TMEM132B: variants seen among roughly 807,000 people sequenced by gnomAD.
TMEM132B encodes transmembrane protein 132B.
Under a neutral mutation model 90.8 loss-of-function variants are expected in TMEM132B, and 18 were observed. The ratio of observed to expected loss-of-function variants is 0.20; its 90% confidence interval spans 0.14 to 0.29. The LOEUF is 0.29. Ranked by LOEUF, TMEM132B falls within the 10% of genes least tolerant of loss-of-function variation. The pLI, the probability that TMEM132B is intolerant of heterozygous loss-of-function variation, is 1.00. For synonymous variants in TMEM132B, 504 were observed against 523.3 expected (o/e 0.96, Z 0.50); for missense variants, 1,096 against 1,326.8 (o/e 0.83, Z 2.70).
At chr12:125,212,651 G>C (rs1181294656) in intron 1 of TMEM132B, among the ~76,000 whole-genome samples, 1 of 152,050 alleles carries the variant, frequency 6.6e-6, no homozygotes, top group African/African-American at 2.4e-5. Flanking sequence ...CCGAGATTGA[G>C]CCATTGCACC....
chr12:125,353,708 A>G (rs2166875), intron 2 of TMEM132B, among the ~76,000 whole-genome samples: 12,257 of 152,198 alleles, frequency 0.081, 1,599 homozygotes, highest in African/African-American at 0.28. Flanking sequence ...TGATCTGACC[A>G]TAGAGCTTGT....
chr12:125,588,964 C>T (rs1885241863), intron 5 of TMEM132B, among the ~76,000 whole-genome samples: 2 of 152,162 alleles, frequency 1.3e-5, no homozygotes, highest in South Asian at 4.1e-4. Flanking sequence ...TAGAAAAATT[C>T]ACATAGTGCT....
rs1183003676 is a variant in TMEM132B, at chr12:125,270,945, G to GT, written c.68-78505dup. 7.4e-5 allele frequency among the ~76,000 whole-genome samples: 10 copies of GT among 134,844 alleles called. No homozygotes were observed. The Admixed American group carries it at 7.9e-4, about 11-fold the overall frequency. 88.5% of individuals were successfully genotyped at this position (134,844 alleles called of 152,430 possible). A position where few individuals can be genotyped will look rare whatever the true frequency, so the allele number is the denominator to read the frequency against. On this transcript the variant is annotated intron_variant, in intron 1 of 8. Coordinates refer to ENST00000682704, the MANE Select transcript of TMEM132B (RefSeq NM_001366854.1). ...CCTGCACAGGAACTTGGGAAACATA[G>GT]TTGTTTTTTTTTTTTTCCCGAAAGA...
chr12:125,431,994 C>T (rs1216908426), intron 3 of TMEM132B, among the ~76,000 whole-genome samples: 4 of 151,986 alleles, frequency 2.6e-5, no homozygotes, highest in Non-Finnish European at 4.4e-5. Flanking sequence ...AATAGGGGGC[C>T]GTGTTTTTAA....
rs1210854206 is a variant in TMEM132B at position 125,563,127 on chromosome 12, A to G, written c.1294-20724A>G. Among the ~76,000 whole-genome samples, 4 of 147,118 alleles carry G rather than the reference A, an allele frequency of 2.7e-5. No individual in the cohort carries two copies. In the East Asian group the frequency reaches 8.0e-4, roughly 29 times the overall value. ...ACAATGGGAACATCAAAGATCAGTG[A>G]TCACAGGTCACCATAATGCGTAATA... On this transcript the variant is annotated intron_variant, in intron 4 of 8. Transcript: ENST00000682704.
rs559772113 is a variant in TMEM132B at position 125,596,397 on chromosome 12, A to G, written c.1437+12403A>G. Among the ~76,000 whole-genome samples the G allele has an allele frequency of 6.6e-5, 10 of 152,304 alleles. No homozygotes were observed. In the East Asian group the frequency reaches 1.2e-3, roughly 18 times the overall value. On this transcript the variant is annotated intron_variant, in intron 5 of 8. Transcript: ENST00000682704. Reference sequence around the variant, plus strand: ...GGTGGGCTTCCAGAAGCAAAAGATCATTTCTACTCATATACCCAATTTATT... The same window carrying G: ...GGTGGGCTTCCAGAAGCAAAAGATCGTTTCTACTCATATACCCAATTTATT...
At chr12:125,350,610 C>T (rs1877538034) in intron 2 of TMEM132B, among the ~76,000 whole-genome samples, 1 of 152,162 alleles carries the variant, frequency 6.6e-6, no homozygotes, top group Non-Finnish European at 1.5e-5. Context: ...AGAGAAGCGA[C>T]ATAGTACAAA....
intron 2 of TMEM132B, among the ~76,000 whole-genome samples, chr12:125,351,176 G>T (rs1008682202): frequency 6.6e-6 from 1 of 152,212 alleles, no homozygotes; most frequent in Non-Finnish European, 1.5e-5. Context: ...CATGGGCCAT[G>T]TAGTCTCTCT....
At chr12:125,359,256 A>T (rs1430350666) in intron 2 of TMEM132B, among the ~76,000 whole-genome samples, 1 of 152,258 alleles carries the variant, frequency 6.6e-6, no homozygotes, top group Non-Finnish European at 1.5e-5. Context: ...AGATGTGCTT[A>T]GTAATCTCTA....
intron 1 of TMEM132B, among the ~76,000 whole-genome samples, chr12:125,336,747 A>T (rs1876974251): frequency 6.6e-6 from 1 of 152,208 alleles, no homozygotes; most frequent in Admixed American, 6.5e-5. Context: ...GGGAAATCGA[A>T]TGGGAGGATG....
At chr12:125,397,581 G>A (rs1879203607) in intron 2 of TMEM132B, among the ~76,000 whole-genome samples, 1 of 152,180 alleles carries the variant, frequency 6.6e-6, no homozygotes, top group Admixed American at 6.5e-5. Flanking sequence ...CCTGCCAAGT[G>A]TTGGTCATGG....
chr12:125,191,930 G>T (rs1200109613), intron 1 of TMEM132B, among the ~76,000 whole-genome samples: 1 of 152,164 alleles, frequency 6.6e-6, no homozygotes, highest in Non-Finnish European at 1.5e-5. Context: ...CAAGAAAGAG[G>T]TTCATAAATA....
rs914453512 is a variant in TMEM132B, at chr12:125,428,801, C to G, written c.1106+13124C>G. Reference sequence around the variant, plus strand: ...TTTTATCCAATTATGTGGCCAACATCCTATGTTGCTTTTCATAGGTACAGG... The same window carrying G: ...TTTTATCCAATTATGTGGCCAACATGCTATGTTGCTTTTCATAGGTACAGG... On this transcript the variant is annotated intron_variant, in intron 3 of 8. Coordinates refer to ENST00000682704, the MANE Select transcript of TMEM132B (RefSeq NM_001366854.1). Among the ~76,000 whole-genome samples the G allele has an allele frequency of 2.6e-5, 4 of 152,260 alleles. No individual in the cohort carries two copies. In the South Asian group the frequency reaches 8.3e-4, roughly 32 times the overall value.
intron 2 of TMEM132B, among the ~76,000 whole-genome samples, chr12:125,394,932 G>T (rs1879128791): frequency 6.6e-6 from 1 of 152,072 alleles, no homozygotes; most frequent in East Asian, 1.9e-4. Context: ...ATTATCAATT[G>T]GGTACAATGT....
At chr12:125,653,369 C>T (rs1886976624) in intron 8 of TMEM132B, among the ~76,000 whole-genome samples, 196 bp from the exon 9 acceptor site, 1 of 152,116 alleles carries the variant, frequency 6.6e-6, no homozygotes, top group East Asian at 1.9e-4. Context: ...ATTATTTATT[C>T]CTTGTACCAG....
chr12:125,188,186 C>T (rs1211749474), intron 1 of TMEM132B, among the ~76,000 whole-genome samples: 1 of 152,114 alleles, frequency 6.6e-6, no homozygotes, highest in Non-Finnish European at 1.5e-5. Context: ...TGGAGATCTC[C>T]GTCAGCGTTC....
chr12:125,303,052 G>A (rs1034014869), intron 1 of TMEM132B, among the ~76,000 whole-genome samples: 7 of 151,664 alleles, frequency 4.6e-5, no homozygotes, highest in South Asian at 2.1e-4. Context: ...AGCTGAGATC[G>A]CACCACTGCA....
chr12:125,537,936 G>A (rs1883852484), intron 4 of TMEM132B, among the ~76,000 whole-genome samples: 1 of 152,096 alleles, frequency 6.6e-6, no homozygotes, highest in Non-Finnish European at 1.5e-5. Context: ...TGACTCCAGA[G>A]TCCACACACT....
intron 3 of TMEM132B, among the ~76,000 whole-genome samples, chr12:125,453,007 A>G (rs1025786979): frequency 6.6e-6 from 1 of 151,850 alleles, no homozygotes; most frequent in South Asian, 2.1e-4. Context: ...TTTATCTCTT[A>G]CACTAAAATC....
Sources: gnomAD v4.1 joint callset for allele counts (sites outside exome capture counted in the v4.1 genomes callset) on GRCh38, gnomAD v4.1.1 for gene constraint, MANE v1.5 for transcripts, NCBI Gene and HGNC (gene_info 2026-07-23, HGNC 2026-07-21) for gene names.